Variants in CDYL2 observed in about 807,000 individuals in gnomAD.
The protein encoded by CDYL2 is chromodomain Y like 2.
In CDYL2, 23 loss-of-function variants were observed where a neutral mutation model predicts 49.4. The ratio of observed to expected loss-of-function variants is 0.47; its 90% confidence interval spans 0.34 to 0.66. The LOEUF is 0.66. Among genes scored for constraint, CDYL2 ranks in the 30% least tolerant of loss-of-function variants. The pLI is 0.01. For synonymous variants in CDYL2, 360 were observed against 268.8 expected (o/e 1.34, Z -3.32); for missense variants, 678 against 656.4 (o/e 1.03, Z -0.36).
chr16:80,758,689 C>T (rs1371540127), intron 1 of CDYL2, among the ~76,000 whole-genome samples: 1 of 151,804 alleles, frequency 6.6e-6, no homozygotes. Context: ...ACTACAGGCA[C>T]CCGCCACCAC....
intron 2 of CDYL2, among the ~76,000 whole-genome samples, chr16:80,643,688 T>C (rs1404498764): frequency 6.6e-6 from 1 of 152,234 alleles, no homozygotes; most frequent in African/African-American, 2.4e-5. Flanking sequence ...AGCTTGGGGC[T>C]TGCACCCTCT....
At chr16:80,731,518 A>G (rs8054666) in intron 1 of CDYL2, among the ~76,000 whole-genome samples, 47,227 of 151,990 alleles carry the variant, frequency 0.31, 7,890 homozygotes, top group East Asian at 0.53. Flanking sequence ...ACAATGACCA[A>G]AAATAGGCCT....
intron 2 of CDYL2, among the ~76,000 whole-genome samples, chr16:80,656,693 G>T (rs535104035): frequency 6.6e-6 from 1 of 152,250 alleles, no homozygotes; most frequent in Admixed American, 6.5e-5. Context: ...CAAACATACA[G>T]AAGCGACAGA....
At position 80,717,980 on chromosome 16, in the gene CDYL2, G is replaced by A. The variant is rs138636406; in HGVS notation, c.25-32851C>T. On this transcript the variant is annotated intron_variant, in intron 1 of 6. Coordinates refer to ENST00000570137, the MANE Select transcript of CDYL2 (RefSeq NM_152342.4). ...TCAAGGATGCTGTGAGGCACATTCA[G>A]TGTGCATCTGCTGTCTCACGCTGGG... Among the ~76,000 whole-genome samples the A allele has an allele frequency of 4.3e-4, 66 of 152,310 alleles. 1 individual carries two copies. In the East Asian group the frequency reaches 5.2e-3, roughly 12 times the overall value.
rs542432445 is a variant in CDYL2, at chr16:80,603,731, C to T, written c.*657G>A. 30 of 152,726 alleles carry T rather than the reference C, an allele frequency of 2.0e-4. No homozygotes were observed. Among genetic ancestry groups the T allele is most frequent in the African/African-American group, 7.0e-4 (29 of 41,554 alleles). The allele number at this position is 152,726 out of a possible 1,614,324, so 9.5% of individuals were successfully genotyped here. A position where few individuals can be genotyped will look rare whatever the true frequency, so the allele number is the denominator to read the frequency against. On this transcript the variant is annotated 3_prime_UTR_variant, in exon 7 of 7. Transcript: ENST00000570137. The stretch of plus-strand genomic sequence containing the variant: ...TAGTAGTTTGTTTTTGCAAAACTAG[C>T]TTTACATATAATACACATAAATTAT...
At chr16:80,670,841 AG>A in intron 2 of CDYL2, 1 of 448,566 alleles carries the variant, frequency 2.2e-6, no homozygotes, top group Non-Finnish European at 4.5e-6. Flanking sequence ...GTTGCACACG[AG>A]GAAGATAAAA....
chr16:80,769,640 C>G (rs1216506159), intron 1 of CDYL2, among the ~76,000 whole-genome samples: 1 of 152,152 alleles, frequency 6.6e-6, no homozygotes, highest in Non-Finnish European at 1.5e-5. Flanking sequence ...CAGCTCCCTT[C>G]CTCCCCAGGC....
chr16:80,666,376 A>C (rs1466007982), intron 2 of CDYL2, among the ~76,000 whole-genome samples: 3 of 152,226 alleles, frequency 2.0e-5, no homozygotes, highest in Non-Finnish European at 2.9e-5. Flanking sequence ...GTCATAAATT[A>C]CATGATTTGG....
chr16:80,606,543 G>A (rs1265241391), intron 6 of CDYL2, among the ~76,000 whole-genome samples: 1 of 152,128 alleles, frequency 6.6e-6, no homozygotes, highest in African/African-American at 2.4e-5. Flanking sequence ...TGGATTTCCT[G>A]TCTTGAGTGC....
intron 1 of CDYL2, among the ~76,000 whole-genome samples, chr16:80,746,436 C>G (rs1180464829): frequency 1.3e-5 from 2 of 152,212 alleles, no homozygotes; most frequent in Admixed American, 1.3e-4. Context: ...CTCTTGTTCT[C>G]TTCTTACAGC....
chr16:80,713,529 C>A (rs754188933), intron 1 of CDYL2, among the ~76,000 whole-genome samples: 2 of 152,174 alleles, frequency 1.3e-5, no homozygotes, highest in Non-Finnish European at 2.9e-5. Flanking sequence ...GAGCTCTAAT[C>A]AAAGATTCCT....
intron 1 of CDYL2, among the ~76,000 whole-genome samples, chr16:80,798,203 A>G (rs1477199637): frequency 6.6e-6 from 1 of 151,988 alleles, no homozygotes; most frequent in African/African-American, 2.4e-5. Flanking sequence ...ATCATGCCCA[A>G]TAATTTTCTG....
intron 1 of CDYL2, among the ~76,000 whole-genome samples, chr16:80,724,941 C>A (rs1040493636): frequency 6.6e-6 from 1 of 152,192 alleles, no homozygotes. Context: ...TGTCCTCAAA[C>A]CCTTTGGTGG....
intron 1 of CDYL2, among the ~76,000 whole-genome samples, chr16:80,724,014 A>T (rs1363515149): frequency 2.7e-5 from 4 of 150,642 alleles, no homozygotes; most frequent in Non-Finnish European, 5.9e-5. Flanking sequence ...AGAAGCAAGA[A>T]GAGAAAGAGG....
intron 2 of CDYL2, among the ~76,000 whole-genome samples, chr16:80,646,654 T>C (rs1444759882): frequency 6.6e-6 from 1 of 151,902 alleles, no homozygotes; most frequent in Non-Finnish European, 1.5e-5. Context: ...CTGGGCAGAG[T>C]GGCGTGTGCC....
chr16:80,680,519 G>T (rs998980702), intron 2 of CDYL2, among the ~76,000 whole-genome samples: 2 of 152,130 alleles, frequency 1.3e-5, no homozygotes, highest in African/African-American at 4.8e-5. Context: ...CTGTTTAGAC[G>T]AGTGCTAAGC....
At chr16:80,661,970 C>T (rs922110280) in intron 2 of CDYL2, among the ~76,000 whole-genome samples, 10 of 152,160 alleles carry the variant, frequency 6.6e-5, no homozygotes. Flanking sequence ...TGGGGGAACT[C>T]ACTCCAGCAA....
At chr16:80,661,301 T>C (rs553015577) in intron 2 of CDYL2, among the ~76,000 whole-genome samples, 1 of 152,248 alleles carries the variant, frequency 6.6e-6, no homozygotes, top group East Asian at 1.9e-4. Context: ...TCCTTGATTA[T>C]TATGGGCAGC....
intron 1 of CDYL2, among the ~76,000 whole-genome samples, chr16:80,763,309 G>A (rs1906600002): frequency 6.6e-6 from 1 of 152,308 alleles, no homozygotes; most frequent in Non-Finnish European, 1.5e-5. Context: ...CTCCAACAAA[G>A]AATAGAATAT....
Sources: gnomAD v4.1 joint callset for allele counts (sites outside exome capture counted in the v4.1 genomes callset) on GRCh38, gnomAD v4.1.1 for gene constraint, MANE v1.5 for transcripts, NCBI Gene and HGNC (gene_info 2026-07-23, HGNC 2026-07-21) for gene names.